Variants in CDK11B observed in about 807,000 individuals in gnomAD.
CDK11B encodes the protein cyclin dependent kinase 11B.
In CDK11B, 37 loss-of-function variants were observed where a neutral mutation model predicts 84.0. The observed-to-expected ratio is 0.44, with a 90% CI of 0.34 to 0.58. CDK11B has a LOEUF of 0.58. Ranked by LOEUF, CDK11B falls within the 20% of genes least tolerant of loss-of-function variation. The pLI, the probability that CDK11B is intolerant of heterozygous loss-of-function variation, is 0.02. For synonymous variants in CDK11B, 269 were observed against 309.8 expected (o/e 0.87, Z 1.38); for missense variants, 427 against 834.0 (o/e 0.51, Z 6.01).
rs754151926 is a variant in CDK11B, at chr1:1,655,398, C to T, written c.198G>A (p.Pro66=). 5.0e-5 allele frequency: 81 copies of T among 1,613,490 alleles called. No homozygotes were observed. Among genetic ancestry groups the T allele is most frequent in the South Asian group, 1.1e-4 (10 of 91,050 alleles). Residue 66 remains proline, a synonymous_variant, in exon 3 of 20, where the codon CCG becomes CCA. Transcript: ENST00000341832. ...HRMEITIRNS[P]YRREDSMEDR... is the part of the protein sequence containing the mutation. ...CTTCCATAGAGTCTTCTCTTCTATA[C>T]GGGGAGTTCCTTATTGTGATCTCCA...
chr1:1,649,592 C>T lies in CDK11B; in HGVS notation c.401G>A (p.Arg134Gln), dbSNP rs1230160650. The T allele has an allele frequency of 1.8e-5, 29 of 1,608,128 alleles. No individual in the cohort carries two copies. Among genetic ancestry groups the T allele is most frequent in the Admixed American group, 3.3e-5 (2 of 59,968 alleles). Reference protein sequence around the residue: ...VKEKEREHERRKRHREEQDKA... With the variant: ...VKEKEREHERQKRHREEQDKA... ...ATCCTGTTCTTCTCGATGCCGTTTC[C>T]GACGTTCGTGCTCTCTTTCTTTTTC... is the stretch of plus-strand genomic sequence containing the variant. Residue 134 changes from arginine (R) to glutamine (Q), a missense_variant, in exon 5 of 20, where the codon CGG (arginine) becomes CAG (glutamine). Physicochemically the swap from Arg to Gln is conservative, Grantham distance 43. This residue lies in a region of CDK11B where 71 missense variants were observed against 66.2 expected (regional missense o/e 1.07). Coordinates refer to ENST00000341832, the MANE Select transcript of CDK11B (RefSeq NM_033486.3).
chr1:1,652,374 A>C, intron 4 of CDK11B, 65 bp downstream of exon 4: 2 of 1,325,392 alleles, frequency 1.5e-6, no homozygotes, highest in Non-Finnish European at 1.0e-6. Context: ...GGGAAGGCAG[A>C]AGAGTAGGAA....
At chr1:1,639,865 C>G (rs1639995173) in intron 11 of CDK11B, among the ~76,000 whole-genome samples, 1 of 151,988 alleles carries the variant, frequency 6.6e-6, no homozygotes, top group South Asian at 2.1e-4. Flanking sequence ...TCTACACTGA[C>G]TCCCGTAGCC....
chr1:1,650,081 T>C lies in CDK11B; in HGVS notation c.356-444A>G, dbSNP rs1336147137. Among the ~76,000 whole-genome samples, 212 of 148,220 alleles carry C rather than the reference T, an allele frequency of 1.4e-3. 1 individual carries two copies. The highest frequency in any genetic ancestry group is 4.4e-3 in the African/African-American group (175 of 40,078). ...AAGGTCAGATCGGGACCATCCTGGC[T>C]AACACGGTGAAACCCCATCTCTACT... is the stretch of plus-strand genomic sequence containing the variant. On this transcript the variant is annotated intron_variant, in intron 4 of 19. Coordinates refer to ENST00000341832, the MANE Select transcript of CDK11B (RefSeq NM_033486.3).
In CDK11B at chr1:1,635,462, G is replaced by A. The variant is rs1268233170; in HGVS notation, c.*302C>T. The A allele has an allele frequency of 4.7e-5, 11 of 233,372 alleles. 1 individual carries two copies. The highest frequency in any genetic ancestry group is 1.8e-4 in the South Asian group (4 of 22,590). The allele number at this position is 233,372 out of a possible 1,614,324, so 14.5% of individuals were successfully genotyped here. ...TCCCACCAGTTCCTTTCCAAATCAC[G>A]GCCCAGCCAGCCCCGTGCGTGTCGA... is the stretch of plus-strand genomic sequence containing the variant. On this transcript the variant is annotated 3_prime_UTR_variant, in exon 20 of 20. Coordinates refer to ENST00000341832, the MANE Select transcript of CDK11B (RefSeq NM_033486.3).
chr1:1,638,066 C>T (rs1418623356), intron 12 of CDK11B, among the ~76,000 whole-genome samples, 183 bp from the exon 13 acceptor site: 1 of 152,216 alleles, frequency 6.6e-6, no homozygotes, highest in African/African-American at 2.4e-5. Flanking sequence ...GGGCAACACC[C>T]ACGGCTTCCC....
At chr1:1,636,650 C>G in intron 17 of CDK11B, 32 bp downstream of exon 17, 1 of 1,613,390 alleles carries the variant, frequency 6.2e-7, no homozygotes, top group Non-Finnish European at 8.5e-7. Flanking sequence ...CTCCACAACC[C>G]CACAGCGCAC....
intron 6 of CDK11B, among the ~76,000 whole-genome samples, chr1:1,644,810 G>A (rs1341702256): frequency 4.6e-5 from 7 of 152,040 alleles, no homozygotes; most frequent in Non-Finnish European, 8.8e-5. Flanking sequence ...TGGCTAACAC[G>A]GTGAAACCCT....
intron 6 of CDK11B, among the ~76,000 whole-genome samples, chr1:1,644,448 A>AAAC (rs775134553): frequency 4.6e-5 from 6 of 130,542 alleles, no homozygotes; most frequent in African/African-American, 1.6e-4. Context: ...CTCTGTCTCA[A>AAAC]AACAACAACA....
chr1:1,647,055 A>G (rs1641243278), intron 5 of CDK11B: 1 of 457,236 alleles, frequency 2.2e-6, no homozygotes, highest in African/African-American at 2.0e-5. Context: ...CCATTATTGT[A>G]ACAAATATCT....
chr1:1,641,223 T>C lies in CDK11B; in HGVS notation c.1010-110A>G, dbSNP rs1200622031. 27 of 1,559,796 alleles carry C rather than the reference T, an allele frequency of 1.7e-5. 1 individual carries two copies. In the African/African-American group the frequency reaches 2.6e-4, roughly 15 times the overall value. ...CAACAAGTGTTCCCAAGAATGGATA[T>C]GCAGGCCGGGCGCGGTGGCTCACGC... On this transcript the variant is annotated intron_variant, in intron 9 of 19. Coordinates refer to ENST00000341832, the MANE Select transcript of CDK11B (RefSeq NM_033486.3).
intron 12 of CDK11B, 135 bp downstream of exon 12, chr1:1,638,365 G>T: frequency 1.4e-6 from 1 of 701,868 alleles, no homozygotes. Flanking sequence ...CTGACCTCTG[G>T]CTTCTAGAGG....
At chr1:1,639,271 G>C (rs371456210) in intron 11 of CDK11B, among the ~76,000 whole-genome samples, 16 of 151,924 alleles carry the variant, frequency 1.1e-4, no homozygotes, top group African/African-American at 3.9e-4. Context: ...AAAAAAATTA[G>C]CCAGGCATGG....
chr1:1,640,249 G>C (rs1640063626), intron 11 of CDK11B, 28 bp downstream of exon 11: 3 of 1,610,760 alleles, frequency 1.9e-6, no homozygotes, highest in Non-Finnish European at 2.5e-6. Flanking sequence ...AATGCGGACA[G>C]TGGCCCGGGG....
intron 5 of CDK11B, chr1:1,646,323 A>C (rs1401522334): frequency 4.4e-6 from 2 of 456,820 alleles, no homozygotes; most frequent in Admixed American, 5.1e-5. Context: ...TATGTTTAGC[A>C]TACCATTTTA....
intron 6 of CDK11B, among the ~76,000 whole-genome samples, chr1:1,644,686 T>G (rs1051274506): frequency 1.3e-5 from 2 of 151,800 alleles, no homozygotes; most frequent in Non-Finnish European, 1.5e-5. Flanking sequence ...GGTGAGGACG[T>G]GGGTGACTAT....
chr1:1,646,219 C>G (rs573294625), intron 5 of CDK11B: 58 of 370,058 alleles, frequency 1.6e-4, no homozygotes, highest in African/African-American at 1.1e-3. Flanking sequence ...GCACAGAGAC[C>G]TTTCACATGT....
At chr1:1,648,292 C>T (rs1251712863) in intron 5 of CDK11B, among the ~76,000 whole-genome samples, 1 of 150,446 alleles carries the variant, frequency 6.6e-6, no homozygotes, top group African/African-American at 2.5e-5. Context: ...GCTGTACTCT[C>T]GTGGGACAAG....
intron 14 of CDK11B, 55 bp downstream of exon 14, chr1:1,637,353 G>A (rs1639512491): frequency 5.0e-6 from 8 of 1,591,420 alleles, no homozygotes; most frequent in African/African-American, 4.0e-5. Context: ...CCGCGGGGGT[G>A]ACCAGGACCC....
Sources: gnomAD v4.1 joint callset for allele counts (sites outside exome capture counted in the v4.1 genomes callset) on GRCh38, gnomAD v4.1.1 for gene constraint, gnomAD v4.1.1 regional missense constraint, MANE v1.5 for transcripts, NCBI Gene and HGNC (gene_info 2026-07-23, HGNC 2026-07-21) for gene names.